PCDHGA5: variants seen among roughly 807,000 people sequenced by gnomAD.
The protein encoded by PCDHGA5 is protocadherin gamma subfamily A, 5.
Under a neutral mutation model 56.7 loss-of-function variants are expected in PCDHGA5, and 36 were observed. The ratio of observed to expected loss-of-function variants is 0.64; its 90% CI spans 0.49 to 0.84. The LOEUF is 0.84. PCDHGA5 is among the 40% of genes least tolerant of loss of function. The probability of loss-of-function intolerance (pLI) is 0.00; values close to 1 mark genes in which losing one functional copy is unlikely to be tolerated. For missense variants in PCDHGA5, 1,305 were observed against 1,201.5 expected, an observed-to-expected ratio of 1.09 and a Z score of -1.27; for synonymous variants, 563 against 520.2, an observed-to-expected ratio of 1.08 and a Z score of -1.12.
At position 141,487,128 on chromosome 5, in the gene PCDHGA5, G is replaced by A; in HGVS notation, c.2422-7679G>A. The A allele has an allele frequency of 6.2e-7, 1 of 1,614,086 alleles. No individual in the cohort carries two copies. ...GTCATTGTGGTAAAGGATAGTGGTA[G>A]TCCACCACTCTCTACCTCTGTTACT... is the stretch of plus-strand genomic sequence containing the variant. On this transcript the variant is annotated intron_variant, in intron 1 of 3. Transcript: ENST00000518069. This position sits in a 1 kb window ranked among gnomAD's most constrained non-coding sequence, Gnocchi z 5.0.
intron 1 of PCDHGA5, among the ~76,000 whole-genome samples, chr5:141,433,690 A>G (rs951380027): frequency 2.0e-5 from 3 of 152,088 alleles, no homozygotes; most frequent in African/African-American, 7.2e-5. Flanking sequence ...ATACAAAATT[A>G]GCCGGGCGTG....
intron 1 of PCDHGA5, among the ~76,000 whole-genome samples, chr5:141,438,339 AGGATC>A (rs1013025873): frequency 1.6e-4 from 25 of 151,944 alleles, no homozygotes; most frequent in Non-Finnish European, 1.9e-4. Flanking sequence ...ATGTCATATA[AGGATC>A]TACTCTGTGT....
At chr5:141,413,531 A>G (rs1472068242) in intron 1 of PCDHGA5, 6 of 1,613,818 alleles carry the variant, frequency 3.7e-6, no homozygotes, top group Non-Finnish European at 5.1e-6. Flanking sequence ...GACAGGGTGA[A>G]ACTTTTTGGG....
rs1276608872 is a variant in PCDHGA5, at chr5:141,366,037, A to G, written c.1707A>G (p.Thr569=). ...AGATCCTGTACCCCGCCCTCCCCAC[A>G]GACGGTTCCACGGGCGTGGAGCTGG... ...TPEILYPALP[T]DGSTGVELAP... is the part of the protein sequence containing the mutation. The change falls in exon 1 of 4, where the codon ACA becomes ACG. Residue 569 remains threonine, a synonymous_variant. Coordinates refer to ENST00000518069, the MANE Select transcript of PCDHGA5 (RefSeq NM_018918.3). 6.2e-7 allele frequency: 1 copy of G among 1,614,112 alleles called. No homozygotes were observed. The highest frequency in any genetic ancestry group is 1.3e-5 in the African/African-American group (1 of 74,944).
intron 2 of PCDHGA5, among the ~76,000 whole-genome samples, chr5:141,503,598 C>CA (rs765754054): frequency 0.15 from 9,705 of 65,252 alleles, 922 homozygotes; most frequent in African/African-American, 0.34. Context: ...GACTCCAGCT[C>CA]AAAAAAAAAA....
In PCDHGA5 at chr5:141,460,999, G is replaced by GTA. The variant is rs1350972422; in HGVS notation, c.2422-33797_2422-33796dup. Reference sequence around the variant, plus strand: ...TGTGTGTGTGTATATATATATATGTGTATATATATATACCACATTTTCTTT... The same window carrying GTA: ...TGTGTGTGTGTATATATATATATGTGTATATATATATATACCACATTTTCTTT... On this transcript the variant is annotated intron_variant, in intron 1 of 3. Coordinates refer to ENST00000518069, the MANE Select transcript of PCDHGA5 (RefSeq NM_018918.3). Among the ~76,000 whole-genome samples, 54 of 149,566 alleles carry GTA rather than the reference G, an allele frequency of 3.6e-4. No homozygotes were observed. The South Asian group carries it at 4.2e-3, about 12-fold the overall frequency.
At position 141,490,370 on chromosome 5, in the gene PCDHGA5, G is replaced by C. The variant is rs768474199; in HGVS notation, c.2422-4437G>C. ...GTGGGGTTGTTTAATGTGCGAGACC[G>C]GGACTCAGGTAGAAATGGTGAAGTG... On this transcript the variant is annotated intron_variant, in intron 1 of 3. Coordinates refer to ENST00000518069, the MANE Select transcript of PCDHGA5 (RefSeq NM_018918.3). The surrounding 1 kb of genome is among the most constrained non-coding windows in gnomAD (Gnocchi z 5.4). 1 of 1,614,172 alleles carries C rather than the reference G, an allele frequency of 6.2e-7. No individual in the cohort carries two copies. Among genetic ancestry groups the C allele is most frequent in the Admixed American group, 1.7e-5 (1 of 60,026 alleles).
intron 2 of PCDHGA5, among the ~76,000 whole-genome samples, chr5:141,499,868 A>G (rs2099794957): frequency 6.6e-6 from 1 of 152,024 alleles, no homozygotes; most frequent in Non-Finnish European, 1.5e-5. Context: ...TTGTATTTTC[A>G]GTACAAACAG....
chr5:141,464,725 A>G (rs538200804), intron 1 of PCDHGA5, among the ~76,000 whole-genome samples: 27 of 152,178 alleles, frequency 1.8e-4, no homozygotes, highest in African/African-American at 5.1e-4. Flanking sequence ...TCATATGTTT[A>G]AAAGCCAGTT....
intron 1 of PCDHGA5, chr5:141,383,409 C>T (rs199780721): frequency 1.2e-6 from 2 of 1,614,010 alleles, no homozygotes; most frequent in Non-Finnish European, 1.7e-6. Flanking sequence ...TCCAGAGTTA[C>T]CAGCTCAGCC....
chr5:141,438,635 T>C (rs1325567714), intron 1 of PCDHGA5, among the ~76,000 whole-genome samples: 9 of 33,420 alleles, frequency 2.7e-4, no homozygotes, highest in East Asian at 1.8e-3. Flanking sequence ...TATATATATA[T>C]ACACACACAC....
intron 1 of PCDHGA5, chr5:141,395,373 G>A (rs2150613921): frequency 1.7e-6 from 2 of 1,189,412 alleles, no homozygotes; most frequent in African/African-American, 3.1e-5. Context: ...TATTTTGGTG[G>A]TGTTACTATA....
intron 1 of PCDHGA5, chr5:141,378,729 T>C (rs769149282): frequency 1.1e-4 from 17 of 152,216 alleles, no homozygotes; most frequent in African/African-American, 3.4e-4. Flanking sequence ...GAACTCTTTA[T>C]TGAAATATTT....
intron 1 of PCDHGA5, among the ~76,000 whole-genome samples, chr5:141,474,227 G>A (rs1394834744): frequency 6.6e-6 from 1 of 152,190 alleles, no homozygotes; most frequent in Non-Finnish European, 1.5e-5. Flanking sequence ...TGTGAATTAA[G>A]TGATGCTGAA....
At chr5:141,470,038 A>C (rs1256439782) in intron 1 of PCDHGA5, among the ~76,000 whole-genome samples, 1 of 152,204 alleles carries the variant, frequency 6.6e-6, no homozygotes, top group Non-Finnish European at 1.5e-5. Flanking sequence ...CTGAGGCGCG[A>C]GAACTGTTTG....
At chr5:141,389,842 C>T (rs779733638) in intron 1 of PCDHGA5, 21 of 1,614,018 alleles carry the variant, frequency 1.3e-5, no homozygotes, top group Non-Finnish European at 1.7e-5. Context: ...CCACCACTCT[C>T]GGCCACTGCC....
At chr5:141,466,107 G>T (rs1463944825) in intron 1 of PCDHGA5, among the ~76,000 whole-genome samples, 1 of 151,928 alleles carries the variant, frequency 6.6e-6, no homozygotes, top group East Asian at 1.9e-4. Flanking sequence ...GGGCAACAGA[G>T]TGAGACTCCA....
intron 1 of PCDHGA5, chr5:141,374,322 G>A: frequency 6.2e-7 from 1 of 1,613,980 alleles, no homozygotes; most frequent in Middle Eastern, 1.7e-4. Context: ...CTGAATCCGC[G>A]AAACGGCAGC....
At chr5:141,410,011 G>A in intron 1 of PCDHGA5, 1 of 1,613,302 alleles carries the variant, frequency 6.2e-7, no homozygotes, top group Non-Finnish European at 8.5e-7. Context: ...ACAACGCCTG[G>A]CTGTCCTACC....
Sources: allele counts gnomAD v4.1 joint callset (sites outside exome capture counted in the v4.1 genomes callset), GRCh38; gene constraint gnomAD v4.1.1; non-coding constraint Gnocchi (gnomAD v3.1); transcripts MANE v1.5; gene names NCBI Gene and HGNC (gene_info 2026-07-23, HGNC 2026-07-21).